SRRM4: variants seen among roughly 807,000 people sequenced by gnomAD.
SRRM4 encodes the protein serine/arginine repetitive matrix protein 4.
Under a neutral mutation model 68.9 loss-of-function variants are expected in SRRM4, and 33 were observed. That is an observed-to-expected ratio of 0.48 (90% CI 0.36 to 0.64). The LOEUF is 0.64. Among genes scored for constraint, SRRM4 ranks in the 30% least tolerant of loss-of-function variants. The probability of loss-of-function intolerance (pLI) is 0.00; values close to 1 mark genes in which losing one functional copy is unlikely to be tolerated. For missense variants in SRRM4, 817 were observed against 827.1 expected (o/e 0.99, Z 0.15); for synonymous variants, 318 against 318.8 (o/e 1.00, Z 0.03).
chr12:118,981,845 G>A lies in SRRM4; in HGVS notation c.-38G>A. 6.2e-7 allele frequency: 1 copy of A among 1,602,586 alleles called. No homozygotes were observed. Among genetic ancestry groups the A allele is most frequent in the Non-Finnish European group, 8.5e-7 (1 of 1,174,268 alleles). Reference sequence around the variant, plus strand: ...TTGGAATCCACGTTTCAGCACTTTGGACAGCGCCCCGGACGCCCCGGCCCC... The same window carrying A: ...TTGGAATCCACGTTTCAGCACTTTGAACAGCGCCCCGGACGCCCCGGCCCC... On this transcript the variant is annotated 5_prime_UTR_variant, in exon 1 of 13. Coordinates refer to ENST00000267260, the MANE Select transcript of SRRM4 (RefSeq NM_194286.4).
intron 1 of SRRM4, among the ~76,000 whole-genome samples, chr12:119,057,909 C>G (rs1288358322): frequency 6.6e-6 from 1 of 152,114 alleles, no homozygotes; most frequent in Non-Finnish European, 1.5e-5. Flanking sequence ...TTTTCTATCC[C>G]TCACAGCTGC....
intron 1 of SRRM4, among the ~76,000 whole-genome samples, chr12:119,084,963 C>T (rs1201816074): frequency 6.6e-6 from 1 of 152,270 alleles, no homozygotes; most frequent in South Asian, 2.1e-4. Flanking sequence ...TGCAGTGGTG[C>T]GATCTTGGCT....
chr12:119,101,173 A>G, intron 1 of SRRM4, among the ~76,000 whole-genome samples: 1 of 152,188 alleles, frequency 6.6e-6, no homozygotes, highest in South Asian at 2.1e-4. Context: ...TCAATACTTG[A>G]CATGGGGTCT....
At chr12:119,079,469 G>A (rs74771763) in intron 1 of SRRM4, among the ~76,000 whole-genome samples, 60 of 152,314 alleles carry the variant, frequency 3.9e-4, no homozygotes, top group Admixed American at 5.2e-4. Flanking sequence ...TCCAAGATCT[G>A]AATAGCAGGG....
At chr12:119,105,283 C>T (rs12304358) in intron 2 of SRRM4, among the ~76,000 whole-genome samples, 39,828 of 151,816 alleles carry the variant, frequency 0.26, 5,552 homozygotes, top group Middle Eastern at 0.36. Context: ...TAAACATACA[C>T]GTGCATGTGT....
chr12:119,104,193 T>C (rs1219204130), intron 2 of SRRM4, among the ~76,000 whole-genome samples: 1 of 152,118 alleles, frequency 6.6e-6, no homozygotes, highest in Non-Finnish European at 1.5e-5. Context: ...AGACTAGGCA[T>C]GTACAGATTG....
chr12:119,045,239 A>C (rs1953698003), intron 1 of SRRM4, among the ~76,000 whole-genome samples: 1 of 152,164 alleles, frequency 6.6e-6, no homozygotes, highest in Non-Finnish European at 1.5e-5. Context: ...AAGACTCCAG[A>C]ATCCCTGTTC....
At chr12:119,119,672 T>C (rs771358783) in intron 4 of SRRM4, among the ~76,000 whole-genome samples, 2 of 152,116 alleles carry the variant, frequency 1.3e-5, no homozygotes, top group Non-Finnish European at 2.9e-5. Context: ...AGATTGTACG[T>C]GACAGGTGCT....
At chr12:119,067,251 G>A (rs994714213) in intron 1 of SRRM4, among the ~76,000 whole-genome samples, 1 of 151,860 alleles carries the variant, frequency 6.6e-6, no homozygotes, top group Non-Finnish European at 1.5e-5. Context: ...CATATCCCCA[G>A]TGCCTAGCAC....
In SRRM4 at chr12:119,119,138, C is replaced by T. The variant is rs1954201767; in HGVS notation, c.438-1112C>T. On this transcript the variant is annotated intron_variant, in intron 4 of 12. Transcript: ENST00000267260. ...ATTTTTCTAGCTAATGCATGCTGCA[C>T]TTAATACCTAGGTGATGGGTTGATA... 3.3e-5 allele frequency among the ~76,000 whole-genome samples: 5 copies of T among 151,072 alleles called. No homozygotes were observed. The South Asian group carries it at 1.0e-3, about 32-fold the overall frequency.
intron 1 of SRRM4, among the ~76,000 whole-genome samples, chr12:119,059,232 T>C (rs933714172): frequency 5.3e-5 from 8 of 152,204 alleles, no homozygotes; most frequent in African/African-American, 1.2e-4. Context: ...TTGACAACTA[T>C]ATTGAAAAGA....
chr12:119,023,411 G>A (rs1441665615), intron 1 of SRRM4, among the ~76,000 whole-genome samples: 2 of 152,044 alleles, frequency 1.3e-5, no homozygotes, highest in Non-Finnish European at 1.5e-5. Flanking sequence ...CTTAGGTGAG[G>A]GTGACTATGG....
rs1185992075 is a variant in SRRM4, at chr12:118,993,821, C to A, written c.131+11808C>A. The A allele has an allele frequency of 2.6e-5, 4 of 152,186 alleles. No individual in the cohort carries two copies. The East Asian group carries it at 7.7e-4, about 29-fold the overall frequency. 9.4% of individuals were successfully genotyped at this position (152,186 alleles called of 1,614,324 possible). On this transcript the variant is annotated intron_variant, in intron 1 of 12. Transcript: ENST00000267260. ...GGGTTCATTGTAGGGCACTTGTGGGCTTTTGGAAAGAGAAAAACTAACATG... is the reference window on the plus strand; with the variant it reads ...GGGTTCATTGTAGGGCACTTGTGGGATTTTGGAAAGAGAAAAACTAACATG...
chr12:119,034,996 G>T (rs1041133183), intron 1 of SRRM4, among the ~76,000 whole-genome samples: 1 of 151,968 alleles, frequency 6.6e-6, no homozygotes, highest in Non-Finnish European at 1.5e-5. Flanking sequence ...AAATTTTCAG[G>T]CTTCTTTAAA....
At chr12:119,125,827 A>C (rs1592908522) in intron 7 of SRRM4, among the ~76,000 whole-genome samples, 2 of 151,736 alleles carry the variant, frequency 1.3e-5, no homozygotes, top group African/African-American at 4.8e-5. Context: ...AGGCTGAGAC[A>C]GGAGAATCGC....
chr12:119,152,952 C>T (rs1954448865), intron 10 of SRRM4, among the ~76,000 whole-genome samples: 1 of 152,192 alleles, frequency 6.6e-6, no homozygotes, highest in East Asian at 1.9e-4. Flanking sequence ...GGCAAACAGT[C>T]CTGGGTTCAC....
chr12:119,128,045 C>T (rs1000112693), intron 7 of SRRM4, among the ~76,000 whole-genome samples: 1 of 152,056 alleles, frequency 6.6e-6, no homozygotes, highest in Admixed American at 6.5e-5. Context: ...ATTTTTAAAT[C>T]CCCCCAGGTG....
chr12:119,143,537 G>A (rs1307721079), intron 8 of SRRM4, among the ~76,000 whole-genome samples: 2 of 152,174 alleles, frequency 1.3e-5, no homozygotes, highest in East Asian at 3.9e-4. Context: ...AGAGTGCCAG[G>A]ATATGACATG....
chr12:119,139,357 C>G (rs745931413), intron 8 of SRRM4, among the ~76,000 whole-genome samples: 3 of 152,206 alleles, frequency 2.0e-5, no homozygotes, highest in African/African-American at 4.8e-5. Flanking sequence ...GGGCTTCCCT[C>G]AATTGTATCT....
Sources: gnomAD v4.1 joint callset for allele counts (sites outside exome capture counted in the v4.1 genomes callset) on GRCh38, gnomAD v4.1.1 for gene constraint, MANE v1.5 for transcripts, NCBI Gene and HGNC (gene_info 2026-07-23, HGNC 2026-07-21) for gene names.